The following PSG7 variants were observed in gnomAD, a reference collection of about 807,000 sequenced individuals.
The protein encoded by PSG7 is pregnancy-specific beta-1-glycoprotein 7.
Under a neutral mutation model 45.6 loss-of-function variants are expected in PSG7, and 57 were observed. The observed-to-expected ratio is 1.25, with a 90% confidence interval of 1.01 to 1.56. The LOEUF (loss-of-function observed/expected upper bound fraction) is 1.56. PSG7 is among the 40% of genes most tolerant of loss of function. The pLI is 0.00. For synonymous variants in PSG7, 298 were observed against 194.4 expected, an observed-to-expected ratio of 1.53 and a Z score of -4.43; for missense variants, 796 against 508.4, an observed-to-expected ratio of 1.57 and a Z score of -5.44.
chr19:42,932,969 G>A (rs1402716127), intron 2 of PSG7, among the ~76,000 whole-genome samples: 1 of 150,394 alleles, frequency 6.6e-6, no homozygotes, highest in Non-Finnish European at 1.5e-5. Context: ...TCATTCTTTT[G>A]CATTCTGGCA....
rs1973052010 is a variant in PSG7, at chr19:42,932,977, G to T, written c.430+2427C>A. On this transcript the variant is annotated intron_variant, in intron 2 of 5. Coordinates refer to ENST00000406070, the MANE Select transcript of PSG7 (RefSeq NM_002783.3). ...ATGTTTCTCATTCTTTTGCATTCTG[G>T]CAACCGGCTGACCTCATCTATACCT... is the stretch of plus-strand genomic sequence containing the variant. Among the ~76,000 whole-genome samples, 3 of 150,280 alleles carry T rather than the reference G, an allele frequency of 2.0e-5. No individual in the cohort carries two copies. In the Admixed American group the frequency reaches 2.0e-4, roughly 10 times the overall value.
rs540136419 is a variant in PSG7 at position 42,927,670 on chromosome 19, T to C, written c.710-954A>G. 4.6e-5 allele frequency: 7 copies of C among 151,764 alleles called. 1 individual carries two copies. In the East Asian group the frequency reaches 1.4e-3, roughly 29 times the overall value. 9.4% of individuals were successfully genotyped at this position (151,764 alleles called of 1,614,324 possible). A position where few individuals can be genotyped will look rare whatever the true frequency, so the allele number is the denominator to read the frequency against. ...TATTTTCTTTCACTGGACATTCTAC[T>C]CTCTGATTCCTTGGGGTTGACTACT... On this transcript the variant is annotated intron_variant, in intron 3 of 5. Coordinates refer to ENST00000406070, the MANE Select transcript of PSG7 (RefSeq NM_002783.3).
At position 42,924,830 on chromosome 19, in the gene PSG7, G is replaced by A. The variant is rs1222327248; in HGVS notation, c.1244-6C>T. The stretch of plus-strand genomic sequence containing the variant: ...AATTCAGGGTAATGTCCAGTCTACA[G>A]TGGATAATAAAAACACAGAAACAAT... On this transcript the variant is annotated splice_region_variant and splice_polypyrimidine_tract_variant and intron_variant, in intron 5 of 5. Coordinates refer to ENST00000406070, the MANE Select transcript of PSG7 (RefSeq NM_002783.3). 2 of 713,942 alleles carry A rather than the reference G, an allele frequency of 2.8e-6. No individual in the cohort carries two copies. The highest frequency in any genetic ancestry group is 5.1e-5 in the African/African-American group (2 of 39,116). 44.2% of individuals were successfully genotyped at this position (713,942 alleles called of 1,614,324 possible).
chr19:42,929,297 G>T (rs1239058313), intron 3 of PSG7, 145 bp downstream of exon 3: 1 of 1,550,544 alleles, frequency 6.4e-7, no homozygotes, highest in Non-Finnish European at 8.7e-7. Context: ...ACTCTGGTTT[G>T]CCTGGGGCAG....
chr19:42,927,021 G>C lies in PSG7; in HGVS notation c.710-305C>G, dbSNP rs1274414400. ...GTACCCCTCCCAGTCCCTCACTAAT[G>C]AGTTGACTGGCTGGCTCACCCTGGG... On this transcript the variant is annotated intron_variant, in intron 3 of 5. Transcript: ENST00000406070. 25 of 460,700 alleles carry C rather than the reference G, an allele frequency of 5.4e-5. 1 individual carries two copies. Among genetic ancestry groups the C allele is most frequent in the Non-Finnish European group, 8.2e-5 (22 of 267,162 alleles). The allele number at this position is 460,700 out of a possible 1,614,324, so 28.5% of individuals were successfully genotyped here.
At chr19:42,926,324 T>G in intron 4 of PSG7, 114 bp downstream of exon 4, 1 of 1,546,732 alleles carries the variant, frequency 6.5e-7, no homozygotes, top group Non-Finnish European at 8.7e-7. Flanking sequence ...TGTCCAGAAG[T>G]AAATATGTCT....
At chr19:42,935,877 C>G (rs1266894940) in intron 1 of PSG7, 108 bp from the exon 2 acceptor site, 3 of 356,990 alleles carry the variant, frequency 8.4e-6, no homozygotes, top group Non-Finnish European at 1.1e-5. Flanking sequence ...CTTGAAGACA[C>G]ACACACACAC....
In PSG7 at chr19:42,924,720, A is replaced by C. The variant is rs1972488263; in HGVS notation, c.*88T>G. ...CATGAAATTTACATTGAGTTGTCCA[A>C]CTCTGACTTATAGGGCTTCTGGAAC... On this transcript the variant is annotated 3_prime_UTR_variant, in exon 6 of 6. Transcript: ENST00000406070. 3.9e-6 allele frequency: 3 copies of C among 766,672 alleles called. No homozygotes were observed. The highest frequency in any genetic ancestry group is 1.7e-5 in the African/African-American group (1 of 58,756). The allele number at this position is 766,672 out of a possible 1,614,324, so 47.5% of individuals were successfully genotyped here.
At position 42,924,363 on chromosome 19, in the gene PSG7, A is replaced by G. The variant is rs1972480177; in HGVS notation, c.*445T>C. On this transcript the variant is annotated 3_prime_UTR_variant, in exon 6 of 6. Transcript: ENST00000406070. ...CCCTGTATGCAAGATGGAGAGAGCC[A>G]CATTTCCTCCTGAGATGTTATGTAA... is the stretch of plus-strand genomic sequence containing the variant. 1 of 423,844 alleles carries G rather than the reference A, an allele frequency of 2.4e-6. No individual in the cohort carries two copies. 26.3% of individuals were successfully genotyped at this position (423,844 alleles called of 1,614,324 possible).
At chr19:42,929,760 C>T in intron 2 of PSG7, 40 bp from the exon 3 acceptor site, 1 of 1,590,194 alleles carries the variant, frequency 6.3e-7, no homozygotes. Context: ...TGTGTGGCAC[C>T]TTTGACTCCT....
chr19:42,929,695 G>A lies in PSG7; in HGVS notation c.456C>T (p.Ser152=). 1 of 1,612,320 alleles carries A rather than the reference G, an allele frequency of 6.2e-7. No homozygotes were observed. Among genetic ancestry groups the A allele is most frequent in the Non-Finnish European group, 8.5e-7 (1 of 1,179,134 alleles). Reference sequence around the variant, plus strand: ...CCTCCCTGGGGTTGAAATTGCTGCTGGAGATGGAGGGTTTGGGAGTCTCCA... The same window carrying A: ...CCTCCCTGGGGTTGAAATTGCTGCTAGAGATGGAGGGTTTGGGAGTCTCCA... ...LYLETPKPSI[S]SSNFNPREAT... Residue 152 remains serine, a synonymous_variant, in exon 3 of 6, where the codon TCC becomes TCT. Coordinates refer to ENST00000406070, the MANE Select transcript of PSG7 (RefSeq NM_002783.3).
chr19:42,937,120 G>C lies in PSG7; in HGVS notation c.-44C>G. ...GTTCTCCTCTGTGGAGATGAGCCTA[G>C]GATCCAGAATCTTCCTGAGCACGGC... On this transcript the variant is annotated 5_prime_UTR_variant, in exon 1 of 6. Transcript: ENST00000406070. 6.3e-7 allele frequency: 1 copy of C among 1,599,234 alleles called. No individual in the cohort carries two copies.
In PSG7 at chr19:42,934,270, C is replaced by G. The variant is rs138902665; in HGVS notation, c.430+1134G>C. 4.0e-3 allele frequency among the ~76,000 whole-genome samples: 604 copies of G among 151,478 alleles called. 13 individuals carry two copies. The highest frequency in any genetic ancestry group is 0.014 in the African/African-American group (580 of 41,278). Reference sequence around the variant, plus strand: ...AGCTGATTTAGTTCTGGAGTGCAGACTAATCAGGTGACCACTTGCTCTCAC... The same window carrying G: ...AGCTGATTTAGTTCTGGAGTGCAGAGTAATCAGGTGACCACTTGCTCTCAC... On this transcript the variant is annotated intron_variant, in intron 2 of 5. Coordinates refer to ENST00000406070, the MANE Select transcript of PSG7 (RefSeq NM_002783.3).
At chr19:42,933,284 T>TATATATAC (rs1973064196) in intron 2 of PSG7, among the ~76,000 whole-genome samples, 4 of 8,364 alleles carry the variant, frequency 4.8e-4, no homozygotes, top group African/African-American at 1.3e-3. Flanking sequence ...TATATATATA[T>TATATATAC]ATATATATAT....
rs561962489 is a variant in PSG7 at position 42,925,633 on chromosome 19, A to G, written c.1243+140T>C. ...TTTCGAAGTTCTTAGACAAATTTGG[A>G]GGGTTCAGGAGGAAAATTTGGGATT... is the stretch of plus-strand genomic sequence containing the variant. On this transcript the variant is annotated intron_variant, in intron 5 of 5. Transcript: ENST00000406070. 16 of 1,525,144 alleles carry G rather than the reference A, an allele frequency of 1.0e-5. No individual in the cohort carries two copies. The African/African-American group carries it at 1.8e-4, about 17-fold the overall frequency. The allele number at this position is 1,525,144 out of a possible 1,614,324, so 94.5% of individuals were successfully genotyped here.
intron 2 of PSG7, among the ~76,000 whole-genome samples, chr19:42,930,317 C>T (rs1461623207): frequency 6.6e-6 from 1 of 151,460 alleles, no homozygotes. Context: ...CGCAGTTTTC[C>T]CAGGTGTCTC....
chr19:42,936,895 C>A, intron 1 of PSG7, 118 bp downstream of exon 1: 4 of 1,458,064 alleles, frequency 2.7e-6, no homozygotes, highest in Non-Finnish European at 1.9e-6. Context: ...GATCCACCCA[C>A]CTCAGCCTCC....
In PSG7 at chr19:42,924,310, A is replaced by G; in HGVS notation, c.*498T>C. The G allele has an allele frequency of 2.8e-6, 1 of 353,198 alleles. No individual in the cohort carries two copies. The highest frequency in any genetic ancestry group is 5.1e-6 in the Non-Finnish European group (1 of 197,774). 21.9% of individuals were successfully genotyped at this position (353,198 alleles called of 1,614,324 possible). Reference sequence around the variant, plus strand: ...CATCTTCTCTGCAAACACACAGGCAATATCTCTGTGTTCATTTCTATTGGG... The same window carrying G: ...CATCTTCTCTGCAAACACACAGGCAGTATCTCTGTGTTCATTTCTATTGGG... On this transcript the variant is annotated 3_prime_UTR_variant, in exon 6 of 6. Coordinates refer to ENST00000406070, the MANE Select transcript of PSG7 (RefSeq NM_002783.3).
chr19:42,927,865 A>C (rs2159027), intron 3 of PSG7, among the ~76,000 whole-genome samples: 141,849 of 151,402 alleles, frequency 0.94, 66,744 homozygotes, highest in East Asian at 1. Context: ...ATAGTTCACA[A>C]AGATGGAGTA....
Sources: gnomAD v4.1 joint callset for allele counts (sites outside exome capture counted in the v4.1 genomes callset) on GRCh38, gnomAD v4.1.1 for gene constraint, MANE v1.5 for transcripts, NCBI Gene and HGNC (gene_info 2026-07-23, HGNC 2026-07-21) for gene names.